AGBL4: variants seen among roughly 807,000 people sequenced by gnomAD.
AGBL4 encodes the protein AGBL carboxypeptidase 4.
In AGBL4, 58 loss-of-function variants were observed where a neutral mutation model predicts 66.4. The observed-to-expected ratio is 0.87, with a 90% CI of 0.71 to 1.09. The LOEUF (loss-of-function observed/expected upper bound fraction) is 1.09, where lower values mean the gene tolerates loss of function less well. Ranked by LOEUF, AGBL4 falls within the 50% of genes least tolerant of loss-of-function variation. The pLI is 0.00. For synonymous variants in AGBL4, 234 were observed against 222.9 expected (o/e 1.05, Z -0.44); for missense variants, 579 against 631.0 (o/e 0.92, Z 0.88).
chr1:49,755,768 C>T (rs1006700880), intron 2 of AGBL4, among the ~76,000 whole-genome samples: 1 of 152,190 alleles, frequency 6.6e-6, no homozygotes, highest in African/African-American at 2.4e-5. Context: ...CCAGCCCTGC[C>T]ACGCTGCTTT....
At chr1:49,055,861 T>G (rs1224340605) in intron 4 of AGBL4, among the ~76,000 whole-genome samples, 2 of 152,214 alleles carry the variant, frequency 1.3e-5, no homozygotes, top group African/African-American at 4.8e-5. Context: ...AAATCAATTT[T>G]GTTTCAAAAA....
chr1:48,929,553 C>T (rs377662331), intron 5 of AGBL4, among the ~76,000 whole-genome samples: 2 of 152,186 alleles, frequency 1.3e-5, no homozygotes, highest in Non-Finnish European at 2.9e-5. Flanking sequence ...ACTTTTCACT[C>T]ATGGCAACTT....
At chr1:48,937,586 AC>A (rs1184742935) in intron 5 of AGBL4, among the ~76,000 whole-genome samples, 1 of 152,202 alleles carries the variant, frequency 6.6e-6, no homozygotes, top group African/African-American at 2.4e-5. Flanking sequence ...TTGCCTGCAA[AC>A]ATTTGACATT....
chr1:49,189,441 T>TA (rs1647074515), intron 4 of AGBL4, among the ~76,000 whole-genome samples: 1 of 152,164 alleles, frequency 6.6e-6, no homozygotes, highest in Admixed American at 6.6e-5. Context: ...TATCAAACTA[T>TA]AATTTGATAG....
At chr1:49,666,008 A>C (rs527466681) in intron 3 of AGBL4, among the ~76,000 whole-genome samples, 1 of 151,464 alleles carries the variant, frequency 6.6e-6, no homozygotes, top group African/African-American at 2.4e-5. Context: ...TAAAATTTTT[A>C]AAAAATTTTT....
At chr1:49,304,518 G>T (rs187478402) in intron 3 of AGBL4, among the ~76,000 whole-genome samples, 33 of 152,258 alleles carry the variant, frequency 2.2e-4, no homozygotes, top group Admixed American at 6.5e-4. Flanking sequence ...GTTTGAAGAA[G>T]GTAGGCAGGT....
intron 3 of AGBL4, among the ~76,000 whole-genome samples, chr1:49,507,230 C>A (rs1038469538): frequency 1.3e-5 from 2 of 151,966 alleles, no homozygotes; most frequent in Non-Finnish European, 2.9e-5. Flanking sequence ...GAGCCTATTT[C>A]TCAACCATTA....
intron 2 of AGBL4, among the ~76,000 whole-genome samples, chr1:49,798,831 A>T (rs1344446068): frequency 6.6e-6 from 1 of 152,130 alleles, no homozygotes; most frequent in African/African-American, 2.4e-5. Context: ...AAATATTTTC[A>T]GCATCTTTGT....
At chr1:48,879,000 A>T (rs1042189667) in intron 5 of AGBL4, among the ~76,000 whole-genome samples, 1 of 152,274 alleles carries the variant, frequency 6.6e-6, no homozygotes, top group Non-Finnish European at 1.5e-5. Context: ...CAGCTTGATT[A>T]TGAGGAAAGA....
chr1:49,822,886 C>T (rs114017933), intron 2 of AGBL4, among the ~76,000 whole-genome samples: 25 of 152,176 alleles, frequency 1.6e-4, no homozygotes, highest in African/African-American at 5.8e-4. Flanking sequence ...TTTCTCAGTC[C>T]ATTTGTGTCC....
chr1:49,465,661 C>A (rs571102353), intron 3 of AGBL4, among the ~76,000 whole-genome samples: 1 of 151,756 alleles, frequency 6.6e-6, no homozygotes, highest in Non-Finnish European at 1.5e-5. Context: ...TACAAGCATT[C>A]CTAAGAAGCA....
chr1:49,042,622 G>T (rs1643972372), intron 5 of AGBL4, among the ~76,000 whole-genome samples: 2 of 152,154 alleles, frequency 1.3e-5, no homozygotes, highest in South Asian at 4.1e-4. Context: ...ATTGAATCAT[G>T]AGGTTGAGGG....
At chr1:49,800,042 C>T (rs562392579) in intron 2 of AGBL4, among the ~76,000 whole-genome samples, 3 of 152,230 alleles carry the variant, frequency 2.0e-5, no homozygotes, top group African/African-American at 7.2e-5. Context: ...ATAGTATCTG[C>T]CTCTAAACAG....
intron 3 of AGBL4, among the ~76,000 whole-genome samples, chr1:49,672,875 C>T (rs914876601): frequency 3.6e-5 from 5 of 140,808 alleles, no homozygotes; most frequent in Admixed American, 7.4e-5. Context: ...GAGCTGAGAT[C>T]GTGCCATTGC....
At chr1:48,924,643 T>A (rs1364551089) in intron 5 of AGBL4, among the ~76,000 whole-genome samples, 1 of 152,058 alleles carries the variant, frequency 6.6e-6, no homozygotes, top group Non-Finnish European at 1.5e-5. Flanking sequence ...CACTAAACAA[T>A]TACCCAACAA....
rs558209368 is a variant in AGBL4, at chr1:49,143,281, C to T, written c.378-97481G>A. On this transcript the variant is annotated intron_variant, in intron 4 of 13. Transcript: ENST00000371839. The stretch of plus-strand genomic sequence containing the variant: ...TACTGCTGCCTTTGCCCAGAATGGC[C>T]TTCCTGCTCCTGAACAGCTAGGTAA... Among the ~76,000 whole-genome samples the T allele has an allele frequency of 2.0e-5, 3 of 152,298 alleles. No individual in the cohort carries two copies. In the South Asian group the frequency reaches 6.2e-4, roughly 32 times the overall value.
At chr1:49,288,522 T>C (rs889160100) in intron 3 of AGBL4, among the ~76,000 whole-genome samples, 2 of 152,114 alleles carry the variant, frequency 1.3e-5, no homozygotes, top group Admixed American at 1.3e-4. Flanking sequence ...CATAGAAAAG[T>C]GAGACCAAAA....
chr1:49,975,153 T>C (rs1658451933), intron 1 of AGBL4, among the ~76,000 whole-genome samples: 1 of 152,188 alleles, frequency 6.6e-6, no homozygotes, highest in African/African-American at 2.4e-5. Flanking sequence ...CATATTTGAT[T>C]TTATAATGGT....
chr1:48,888,802 T>C (rs1442106180), intron 5 of AGBL4, among the ~76,000 whole-genome samples: 1 of 152,204 alleles, frequency 6.6e-6, no homozygotes, highest in African/African-American at 2.4e-5. Context: ...CTTTGTTCCT[T>C]AGTCTATCCC....
Sources: gnomAD v4.1 joint callset for allele counts (sites outside exome capture counted in the v4.1 genomes callset) on GRCh38, gnomAD v4.1.1 for gene constraint, MANE v1.5 for transcripts, NCBI Gene and HGNC (gene_info 2026-07-23, HGNC 2026-07-21) for gene names.